Variants in C10orf67 observed in about 807,000 individuals in gnomAD.
The protein encoded by C10orf67 is chromosome 10 open reading frame 67, also known as uncharacterized protein C10orf67, mitochondrial.
A neutral mutation model predicts 35.6 loss-of-function variants in C10orf67; 60 were observed. That is an observed-to-expected ratio of 1.68 (90% confidence interval 1.37 to 2.09). The LOEUF is 2.09. Ranked by LOEUF, C10orf67 falls within the 30% of genes most tolerant of loss-of-function variation. C10orf67 has a pLI of 0.00. For synonymous variants in C10orf67, 167 were observed against 115.8 expected (o/e 1.44, Z -2.84); for missense variants, 474 against 330.2 (o/e 1.44, Z -3.38).
At chr10:23,257,905 T>C (rs1341620385) in intron 10 of C10orf67, among the ~76,000 whole-genome samples, 1 of 151,992 alleles carries the variant, frequency 6.6e-6, no homozygotes, top group Non-Finnish European at 1.5e-5. Context: ...ACAGTAGTCA[T>C]ACACATCCCC....
intron 2 of C10orf67, among the ~76,000 whole-genome samples, chr10:23,327,582 T>C (rs565001440): frequency 3.9e-5 from 6 of 152,256 alleles, no homozygotes. Flanking sequence ...ATCCCAGCAC[T>C]TTGTGGGGCT....
intron 10 of C10orf67, among the ~76,000 whole-genome samples, chr10:23,257,326 C>A (rs1037944315): frequency 6.6e-6 from 1 of 152,142 alleles, no homozygotes; most frequent in African/African-American, 2.4e-5. Context: ...ATCTTCTCTA[C>A]CTTCACTCAT....
Position 23,326,163 on chromosome 10 carries a change from A to G in C10orf67, c.328-3626T>C, listed in dbSNP as rs118118649. Among the ~76,000 whole-genome samples, 492 of 152,290 alleles carry G rather than the reference A, an allele frequency of 3.2e-3. 9 individuals are homozygous for G. In the East Asian group the frequency reaches 0.051, roughly 16 times the overall value. On this transcript the variant is annotated intron_variant, in intron 2 of 15. Transcript: ENST00000636213. The stretch of plus-strand genomic sequence containing the variant: ...GCTCCAAATCTCCCAAATTTGGTGA[A>G]ACATGCAGATTGTAGATGCTTAATT...
intron 10 of C10orf67, among the ~76,000 whole-genome samples, chr10:23,260,034 A>C (rs995447168): frequency 1.3e-5 from 2 of 152,160 alleles, no homozygotes; most frequent in African/African-American, 4.8e-5. Context: ...AAGAAGTTCA[A>C]GATAAATAGA....
intron 10 of C10orf67, among the ~76,000 whole-genome samples, chr10:23,263,780 G>A (rs1458236315): frequency 2.0e-5 from 3 of 152,156 alleles, no homozygotes; most frequent in African/African-American, 7.2e-5. Context: ...TTTTAACCTT[G>A]ATATATGAAA....
At chr10:23,206,232 T>C (rs1472806598) in intron 15 of C10orf67, among the ~76,000 whole-genome samples, 3 of 152,242 alleles carry the variant, frequency 2.0e-5, no homozygotes, top group Non-Finnish European at 4.4e-5. Flanking sequence ...TGCACAATGC[T>C]ATTCACATAG....
intron 7 of C10orf67, 41 bp downstream of exon 7, chr10:23,289,859 C>G: frequency 1.4e-6 from 1 of 711,976 alleles, no homozygotes; most frequent in Non-Finnish European, 2.6e-6. Flanking sequence ...CCTATAGTTC[C>G]ATTTAAAAGA....
At position 23,329,810 on chromosome 10, in the gene C10orf67, A is replaced by AAAAAG. The variant is rs576760053; in HGVS notation, c.327+3251_327+3252insCTTTT. Among the ~76,000 whole-genome samples, 234 of 148,474 alleles carry AAAAAG rather than the reference A, an allele frequency of 1.6e-3. 9 individuals are homozygous for AAAAAG. The East Asian group carries it at 0.025, about 16-fold the overall frequency. On this transcript the variant is annotated intron_variant, in intron 2 of 15. Coordinates refer to ENST00000636213, the MANE Select transcript of C10orf67 (RefSeq NM_001371909.1). ...AAGAACTTGTCTCAAAAAAAAAAAA[A>AAAAAG]AAAAAAGAAAAGAAAAGAAAAAAAT...
chr10:23,323,952 T>TATATATATACACAC (rs1564513730), intron 2 of C10orf67, among the ~76,000 whole-genome samples: 13 of 64,668 alleles, frequency 2.0e-4, no homozygotes, highest in South Asian at 6.0e-4. Flanking sequence ...TATATATATA[T>TATATATATACACAC]ACACACACAC....
chr10:23,279,581 TG>T (rs1250947827), intron 8 of C10orf67, among the ~76,000 whole-genome samples: 3 of 152,162 alleles, frequency 2.0e-5, no homozygotes, highest in African/African-American at 7.2e-5. Context: ...AGAAATAGGG[TG>T]CACGGGGATG....
At chr10:23,212,778 TGAGAGA>T (rs58972226) in intron 15 of C10orf67, among the ~76,000 whole-genome samples, 21,988 of 100,832 alleles carry the variant, frequency 0.22, 2,218 homozygotes, top group Admixed American at 0.33. Flanking sequence ...AATATTGTAT[TGAGAGA>T]GAGAGAGAGA....
intron 15 of C10orf67, among the ~76,000 whole-genome samples, chr10:23,212,830 G>GTTCT (rs1404638021): frequency 4.9e-5 from 6 of 122,308 alleles, no homozygotes; most frequent in Admixed American, 2.5e-4. Flanking sequence ...AGAGACGTAA[G>GTTCT]CATGCAAACC....
At chr10:23,205,627 G>A (rs1436722228) in intron 15 of C10orf67, among the ~76,000 whole-genome samples, 3 of 152,150 alleles carry the variant, frequency 2.0e-5, no homozygotes, top group Non-Finnish European at 4.4e-5. Context: ...ATCAGCAGAC[G>A]AGGAATTTAC....
chr10:23,288,661 C>A (rs946326786), intron 7 of C10orf67, among the ~76,000 whole-genome samples: 3 of 152,062 alleles, frequency 2.0e-5, no homozygotes, highest in Non-Finnish European at 2.9e-5. Flanking sequence ...TCAGGCCTGG[C>A]TGAAATCTGA....
intron 15 of C10orf67, among the ~76,000 whole-genome samples, chr10:23,217,333 G>T (rs1841457945): frequency 6.6e-6 from 1 of 152,036 alleles, no homozygotes; most frequent in African/African-American, 2.4e-5. Flanking sequence ...TATTAATATG[G>T]TACCTTTCAT....
chr10:23,282,541 T>C (rs1370677238), intron 7 of C10orf67, among the ~76,000 whole-genome samples: 4 of 152,152 alleles, frequency 2.6e-5, no homozygotes, highest in Admixed American at 1.3e-4. Context: ...GGCAGGAGGA[T>C]TGCTTGAGGC....
At chr10:23,293,175 A>C (rs1358157958) in intron 5 of C10orf67, among the ~76,000 whole-genome samples, 1 of 152,220 alleles carries the variant, frequency 6.6e-6, no homozygotes, top group Non-Finnish European at 1.5e-5. Context: ...AAAATTTACA[A>C]ATGGTAGCAG....
chr10:23,315,863 G>T (rs1358934054), intron 4 of C10orf67, among the ~76,000 whole-genome samples: 1 of 151,884 alleles, frequency 6.6e-6, no homozygotes, highest in Non-Finnish European at 1.5e-5. Flanking sequence ...CCGTCACTCA[G>T]GCTGGAGTAT....
intron 4 of C10orf67, among the ~76,000 whole-genome samples, chr10:23,315,967 T>C (rs1402454394): frequency 6.6e-6 from 1 of 152,176 alleles, no homozygotes; most frequent in Non-Finnish European, 1.5e-5. Context: ...TACAAGCATG[T>C]GCCACCATGC....
Sources: gnomAD v4.1 joint callset for allele counts (sites outside exome capture counted in the v4.1 genomes callset) on GRCh38, gnomAD v4.1.1 for gene constraint, MANE v1.5 for transcripts, NCBI Gene and HGNC (gene_info 2026-07-23, HGNC 2026-07-21) for gene names.